The following NID1 variants were observed in gnomAD, a reference collection of about 807,000 sequenced individuals.
NID1 encodes nidogen 1.
NID1 carries 76 observed loss-of-function variants against 130.6 expected under a neutral mutation model. The ratio of observed to expected loss-of-function variants is 0.58; its 90% CI spans 0.48 to 0.70. The LOEUF (loss-of-function observed/expected upper bound fraction) is 0.70, where lower values mean the gene tolerates loss of function less well. Ranked by LOEUF, NID1 falls within the 30% of genes least tolerant of loss-of-function variation. The pLI is 0.00. For missense variants in NID1, 1,517 were observed against 1,664.8 expected (o/e 0.91, Z 1.54); for synonymous variants, 665 against 675.1 (o/e 0.98, Z 0.23).
intron 2 of NID1, 127 bp downstream of exon 2, chr1:236,048,563 T>G: frequency 9.6e-7 from 1 of 1,038,072 alleles, no homozygotes; most frequent in Non-Finnish European, 1.4e-6. Context: ...CCTACTAGAT[T>G]TTGCTTTGGA....
At position 236,042,430 on chromosome 1, in the gene NID1, ACTGGCCGTCATGT is replaced by A. The variant is rs1659481378; in HGVS notation, c.753-151_753-139del. The A allele has an allele frequency of 2.1e-5, 23 of 1,116,772 alleles. No individual in the cohort carries two copies. In the East Asian group the frequency reaches 5.5e-4, roughly 27 times the overall value. The allele number at this position is 1,116,772 out of a possible 1,614,324, so 69.2% of individuals were successfully genotyped here. The stretch of plus-strand genomic sequence containing the variant: ...AGCTAGGACTGGAGAGTGGAAGGGC[ACTGGCCGTCATGT>A]CTGGGCGTCATGTGGCTGAGGCAGT... On this transcript the variant is annotated intron_variant, in intron 3 of 19. Coordinates refer to ENST00000264187, the MANE Select transcript of NID1 (RefSeq NM_002508.3).
intron 3 of NID1, among the ~76,000 whole-genome samples, chr1:236,044,881 C>G (rs1659553999): frequency 6.6e-6 from 1 of 152,108 alleles, no homozygotes; most frequent in Non-Finnish European, 1.5e-5. Flanking sequence ...TTATTTCTAA[C>G]AGTGTTTATA....
At chr1:235,993,359 C>T (rs566938481) in intron 13 of NID1, among the ~76,000 whole-genome samples, 2 of 149,872 alleles carry the variant, frequency 1.3e-5, no homozygotes, top group African/African-American at 2.5e-5. Context: ...TTACAGGTAC[C>T]GCTGTGGCAG....
At chr1:235,998,786 A>G (rs1454375115) in intron 12 of NID1, among the ~76,000 whole-genome samples, 4 of 152,180 alleles carry the variant, frequency 2.6e-5, no homozygotes, top group African/African-American at 9.7e-5. Context: ...GTTTCCATTC[A>G]CAGATATGTT....
chr1:236,040,279 TAGG>T (rs969431453), intron 4 of NID1, among the ~76,000 whole-genome samples: 2 of 152,100 alleles, frequency 1.3e-5, no homozygotes, highest in African/African-American at 4.8e-5. Context: ...CAGGGTGCAG[TAGG>T]AGAACCTAAG....
intron 12 of NID1, 132 bp downstream of exon 12, chr1:236,011,784 ACGGGC>A (rs1658432261): frequency 4.6e-5 from 60 of 1,318,298 alleles, no homozygotes; most frequent in Middle Eastern, 5.4e-4. Flanking sequence ...GGACAGGGCA[ACGGGC>A]CATGTGCTCT....
At chr1:236,038,553 A>G (rs542068168) in intron 4 of NID1, among the ~76,000 whole-genome samples, 6 of 152,184 alleles carry the variant, frequency 3.9e-5, no homozygotes, top group African/African-American at 1.4e-4. Flanking sequence ...CTTGGCATCA[A>G]TGTTAGATTA....
intron 12 of NID1, among the ~76,000 whole-genome samples, chr1:236,008,346 C>A (rs945672929): frequency 1.3e-5 from 2 of 152,138 alleles, no homozygotes; most frequent in African/African-American, 4.8e-5. Context: ...ACCTTCAAAG[C>A]CAGTTTAGTT....
At chr1:236,044,761 A>G (rs1055359221) in intron 3 of NID1, among the ~76,000 whole-genome samples, 1 of 152,226 alleles carries the variant, frequency 6.6e-6, no homozygotes, top group Admixed American at 6.5e-5. Flanking sequence ...GTCAAATTCT[A>G]CAACATAACC....
rs889017058 is a variant in NID1, at chr1:235,982,702, T to A, written c.3056-920A>T. Among the ~76,000 whole-genome samples, 7 of 152,132 alleles carry A rather than the reference T, an allele frequency of 4.6e-5. No homozygotes were observed. The East Asian group carries it at 5.8e-4, about 13-fold the overall frequency. ...TTGGTGTTTTATTATATAGTTTTTTTAAATTAATAATAACGATTGTGTTTT... is the reference window on the plus strand; with the variant it reads ...TTGGTGTTTTATTATATAGTTTTTTAAAATTAATAATAACGATTGTGTTTT... On this transcript the variant is annotated intron_variant, in intron 15 of 19. Transcript: ENST00000264187.
At position 235,981,833 on chromosome 1, in the gene NID1, G is replaced by A. The variant is rs774813314; in HGVS notation, c.3056-51C>T. On this transcript the variant is annotated intron_variant, in intron 15 of 19. Transcript: ENST00000264187. Reference sequence around the variant, plus strand: ...AATTTTTTTTGTTTTCTAAGCAGCTGAGATGAGGTTTTTCTGAATACTCAA... The same window carrying A: ...AATTTTTTTTGTTTTCTAAGCAGCTAAGATGAGGTTTTTCTGAATACTCAA... The A allele has an allele frequency of 2.0e-6, 3 of 1,522,702 alleles. No homozygotes were observed. In the Admixed American group the frequency reaches 6.2e-5, roughly 32 times the overall value. The allele number at this position is 1,522,702 out of a possible 1,614,324, so 94.3% of individuals were successfully genotyped here.
chr1:236,025,375 C>A (rs1658896711), intron 8 of NID1, among the ~76,000 whole-genome samples: 1 of 151,526 alleles, frequency 6.6e-6, no homozygotes, highest in Admixed American at 6.6e-5. Context: ...GATTCTCCTG[C>A]CTCAGCCTCC....
In NID1 at chr1:236,040,641, A is replaced by G. The variant is rs1659424609; in HGVS notation, c.1135+1269T>C. 4.0e-5 allele frequency among the ~76,000 whole-genome samples: 6 copies of G among 151,214 alleles called. No individual in the cohort carries two copies. The South Asian group carries it at 1.2e-3, about 31-fold the overall frequency. On this transcript the variant is annotated intron_variant, in intron 4 of 19. Transcript: ENST00000264187. ...AAACTAATGTGAAAAAAAAATAATG[A>G]GGACAGTTTAGTTGGAACATCTTTT...
chr1:235,988,189 T>TAAA (rs993237066), intron 14 of NID1, among the ~76,000 whole-genome samples: 2 of 152,006 alleles, frequency 1.3e-5, no homozygotes, highest in Non-Finnish European at 2.9e-5. Context: ...TTCCCACAAC[T>TAAA]CAACAACAAC....
At position 236,029,926 on chromosome 1, in the gene NID1, A is replaced by G. The variant is rs999443883; in HGVS notation, c.1538-176T>C. On this transcript the variant is annotated intron_variant, in intron 6 of 19. Coordinates refer to ENST00000264187, the MANE Select transcript of NID1 (RefSeq NM_002508.3). Reference sequence around the variant, plus strand: ...AGAGCTCAGACATCCCTGTGGCCCAACTGAGCCACACGCAGAGGAGAGAAG... The same window carrying G: ...AGAGCTCAGACATCCCTGTGGCCCAGCTGAGCCACACGCAGAGGAGAGAAG... Among the ~76,000 whole-genome samples, 6 of 152,142 alleles carry G rather than the reference A, an allele frequency of 3.9e-5. No individual in the cohort carries two copies. The East Asian group carries it at 1.2e-3, about 29-fold the overall frequency.
chr1:236,048,932 C>T lies in NID1; in HGVS notation c.283G>A (p.Gly95Arg), dbSNP rs139923795. The change falls in exon 2 of 20, where the codon GGG (glycine) becomes AGG (arginine). Residue 95 changes from glycine to arginine, a missense_variant. Gly to Arg is a moderately radical substitution (Grantham distance 125). Coordinates refer to ENST00000264187, the MANE Select transcript of NID1 (RefSeq NM_002508.3). ...SEPPAKESHPGLFPPTFGAVA... is the reference protein window; with the variant it reads ...SEPPAKESHPRLFPPTFGAVA... Reference sequence around the variant, plus strand: ...GCACCGAATGTTGGTGGGAAGAGCCCGGGATGGGATTCTTTGGCCGGGGGT... The same window carrying T: ...GCACCGAATGTTGGTGGGAAGAGCCTGGGATGGGATTCTTTGGCCGGGGGT... The T allele has an allele frequency of 1.5e-4, 236 of 1,614,086 alleles. 2 individuals are homozygous for T. In the East Asian group the frequency reaches 4.5e-3, roughly 30 times the overall value.
chr1:236,028,539 T>C (rs1365371023), intron 7 of NID1, among the ~76,000 whole-genome samples: 2 of 152,048 alleles, frequency 1.3e-5, no homozygotes, highest in Non-Finnish European at 2.9e-5. Context: ...ACTATACATA[T>C]CACTGTGTAT....
chr1:236,027,870 A>G (rs10803236), intron 7 of NID1, among the ~76,000 whole-genome samples: 66,155 of 151,354 alleles, frequency 0.44, 15,692 homozygotes, highest in African/African-American at 0.62. Context: ...AAAAAAAACG[A>G]AGGGATTCTT....
At chr1:236,034,485 A>G (rs778259757) in intron 5 of NID1, among the ~76,000 whole-genome samples, 14 of 152,272 alleles carry the variant, frequency 9.2e-5, no homozygotes, top group South Asian at 4.2e-4. Flanking sequence ...ATGGGCTAAA[A>G]CAGGCCATGA....
Sources: gnomAD v4.1 joint callset for allele counts (sites outside exome capture counted in the v4.1 genomes callset) on GRCh38, gnomAD v4.1.1 for gene constraint, MANE v1.5 for transcripts, NCBI Gene and HGNC (gene_info 2026-07-23, HGNC 2026-07-21) for gene names.